The following FAM168A variants were observed in gnomAD, a reference collection of about 807,000 sequenced individuals.
FAM168A encodes family with sequence similarity 168 member A.
Under a neutral mutation model 28.5 loss-of-function variants are expected in FAM168A, and 3 were observed. That is an observed-to-expected ratio of 0.11 (90% CI 0.05 to 0.27). The LOEUF (loss-of-function observed/expected upper bound fraction) is 0.27, where lower values mean the gene tolerates loss of function less well. Ranked by LOEUF, FAM168A falls within the 10% of genes least tolerant of loss-of-function variation. FAM168A has a pLI of 1.00. For missense variants in FAM168A, 222 were observed against 311.5 expected (o/e 0.71, Z 2.16); for synonymous variants, 122 against 124.2 (o/e 0.98, Z 0.12).
chr11:73,484,596 CG>C (rs923901540), intron 1 of FAM168A, among the ~76,000 whole-genome samples: 1 of 127,222 alleles, frequency 7.9e-6, no homozygotes. Flanking sequence ...ATCTATATAT[CG>C]ATATCTATAT....
At chr11:73,589,799 C>T (rs561291766) in intron 1 of FAM168A, among the ~76,000 whole-genome samples, 62 of 152,130 alleles carry the variant, frequency 4.1e-4, no homozygotes, top group Admixed American at 3.3e-4. Flanking sequence ...TGGTGGCGCA[C>T]GCCTGTAGTC....
At chr11:73,495,577 G>C (rs901690818) in intron 1 of FAM168A, among the ~76,000 whole-genome samples, 5 of 152,148 alleles carry the variant, frequency 3.3e-5, no homozygotes, top group Admixed American at 3.3e-4. Context: ...TTAAGACATA[G>C]AGTTTTACAA....
intron 3 of FAM168A, among the ~76,000 whole-genome samples, chr11:73,426,345 C>T (rs1384080530): frequency 2.0e-5 from 3 of 152,176 alleles, no homozygotes; most frequent in Non-Finnish European, 4.4e-5. Context: ...ACATTGCTTT[C>T]AGAACCAATG....
chr11:73,529,014 C>T lies in FAM168A; in HGVS notation c.-18-60522G>A, dbSNP rs547503593. Among the ~76,000 whole-genome samples the T allele has an allele frequency of 2.0e-4, 30 of 152,186 alleles. No individual in the cohort carries two copies. The East Asian group carries it at 5.4e-3, about 27-fold the overall frequency. On this transcript the variant is annotated intron_variant, in intron 1 of 7. Transcript: ENST00000356467. The stretch of plus-strand genomic sequence containing the variant: ...AGTGTGGGATTTAAAAAAAAAAGTA[C>T]CCTGCTGCTAGGTAGCAACTGTTTC...
intron 2 of FAM168A, among the ~76,000 whole-genome samples, chr11:73,436,577 TG>T (rs1355729214): frequency 1.3e-5 from 2 of 152,128 alleles, no homozygotes; most frequent in Non-Finnish European, 2.9e-5. Flanking sequence ...AGAGGAAGGA[TG>T]TAATTTTGAA....
intron 1 of FAM168A, among the ~76,000 whole-genome samples, chr11:73,494,473 A>G (rs961935335): frequency 6.6e-6 from 1 of 152,222 alleles, no homozygotes. Flanking sequence ...GACACTCTGA[A>G]TACCAGGCCA....
chr11:73,441,216 G>A (rs1404964260), intron 2 of FAM168A, among the ~76,000 whole-genome samples: 1 of 151,854 alleles, frequency 6.6e-6, no homozygotes, highest in African/African-American at 2.4e-5. Context: ...ATGCCACCAC[G>A]CTTGGCTAAT....
intron 2 of FAM168A, among the ~76,000 whole-genome samples, chr11:73,454,531 G>A (rs1344908260): frequency 6.6e-6 from 1 of 152,190 alleles, no homozygotes; most frequent in Non-Finnish European, 1.5e-5. Context: ...GAAATTCTTA[G>A]CAGAAAAGAG....
At chr11:73,504,281 T>G (rs1855065994) in intron 1 of FAM168A, among the ~76,000 whole-genome samples, 1 of 151,954 alleles carries the variant, frequency 6.6e-6, no homozygotes. Flanking sequence ...TAGCCAGAAT[T>G]TACAAGGAAC....
chr11:73,465,158 T>G (rs1055043953), intron 2 of FAM168A, among the ~76,000 whole-genome samples: 1 of 151,036 alleles, frequency 6.6e-6, no homozygotes, highest in Non-Finnish European at 1.5e-5. Flanking sequence ...GAAACTGAGA[T>G]GCAGAAAGAT....
intron 1 of FAM168A, among the ~76,000 whole-genome samples, chr11:73,528,878 T>C (rs1270815265): frequency 6.6e-6 from 1 of 152,072 alleles, no homozygotes; most frequent in East Asian, 1.9e-4. Flanking sequence ...CTAATAATAA[T>C]TAAGTGGTCT....
chr11:73,529,796 CTT>C (rs772530179), intron 1 of FAM168A, among the ~76,000 whole-genome samples: 42 of 127,428 alleles, frequency 3.3e-4, no homozygotes, highest in Non-Finnish European at 2.7e-4. Context: ...ACTTTTTCTT[CTT>C]TTTTTTTTTT....
chr11:73,581,139 C>G (rs1031402238), intron 1 of FAM168A, among the ~76,000 whole-genome samples: 17 of 152,324 alleles, frequency 1.1e-4, no homozygotes, highest in African/African-American at 3.8e-4. Context: ...TCACTCTAAA[C>G]TTTCCCTGTT....
intron 2 of FAM168A, among the ~76,000 whole-genome samples, chr11:73,454,458 T>C (rs950856294): frequency 5.9e-5 from 9 of 152,196 alleles, no homozygotes; most frequent in African/African-American, 2.2e-4. Flanking sequence ...TGCTTCAAGA[T>C]TCACGCTTGC....
At chr11:73,504,351 A>G (rs1855067002) in intron 1 of FAM168A, among the ~76,000 whole-genome samples, 1 of 152,242 alleles carries the variant, frequency 6.6e-6, no homozygotes. Context: ...AAAGGATATG[A>G]ACAGATGCTT....
intron 2 of FAM168A, among the ~76,000 whole-genome samples, chr11:73,462,125 A>G (rs1296399167): frequency 6.6e-6 from 1 of 152,258 alleles, no homozygotes; most frequent in Admixed American, 6.5e-5. Flanking sequence ...TATATACCCA[A>G]AAGAATTGAA....
At chr11:73,460,579 C>G (rs1367762047) in intron 2 of FAM168A, among the ~76,000 whole-genome samples, 5 of 148,198 alleles carry the variant, frequency 3.4e-5, no homozygotes, top group Non-Finnish European at 7.4e-5. Flanking sequence ...TCTCAGCTCA[C>G]TGCAACCTCT....
chr11:73,597,380 C>A (rs1944449206), intron 1 of FAM168A, among the ~76,000 whole-genome samples: 1 of 151,966 alleles, frequency 6.6e-6, no homozygotes. Flanking sequence ...CAACTCCTGC[C>A]ACCTCCATCA....
intron 4 of FAM168A, among the ~76,000 whole-genome samples, chr11:73,417,851 G>A (rs901339306): frequency 1.3e-4 from 19 of 151,986 alleles, no homozygotes; most frequent in African/African-American, 3.6e-4. Flanking sequence ...GAGCCACCGC[G>A]CCTGGCCTGA....
Sources: allele counts gnomAD v4.1 joint callset (sites outside exome capture counted in the v4.1 genomes callset), GRCh38; gene constraint gnomAD v4.1.1; transcripts MANE v1.5; gene names NCBI Gene and HGNC (gene_info 2026-07-23, HGNC 2026-07-21).